EDIL3: variants seen among roughly 807,000 people sequenced by gnomAD.
EDIL3 encodes EGF-like repeat and discoidin I-like domain-containing protein 3.
In EDIL3, 37 loss-of-function variants were observed where a neutral mutation model predicts 67.4. That is an observed-to-expected ratio of 0.55 (90% CI 0.42 to 0.72). The LOEUF (loss-of-function observed/expected upper bound fraction) is 0.72. Ranked by LOEUF, EDIL3 falls within the 30% of genes least tolerant of loss-of-function variation. The pLI is 0.00. For synonymous variants in EDIL3, 195 were observed against 196.3 expected, an observed-to-expected ratio of 0.99 and a Z score of 0.05; for missense variants, 527 against 586.3, an observed-to-expected ratio of 0.90 and a Z score of 1.04.
At chr5:84,110,542 T>TCAATG (rs1230282341) in intron 5 of EDIL3, among the ~76,000 whole-genome samples, 1 of 152,214 alleles carries the variant, frequency 6.6e-6, no homozygotes, top group African/African-American at 2.4e-5. Flanking sequence ...GATGAAGTAA[T>TCAATG]CAATGTCAGA....
intron 9 of EDIL3, among the ~76,000 whole-genome samples, chr5:84,014,679 G>T (rs180829908): frequency 1.3e-5 from 2 of 152,028 alleles, no homozygotes; most frequent in Admixed American, 6.6e-5. Flanking sequence ...AAAAGTCTTT[G>T]ATCATATTTG....
At chr5:84,020,849 T>C (rs1745702451) in intron 9 of EDIL3, among the ~76,000 whole-genome samples, 1 of 152,068 alleles carries the variant, frequency 6.6e-6, no homozygotes, top group Non-Finnish European at 1.5e-5. Flanking sequence ...TACTAAAGAA[T>C]CTCACATACA....
intron 4 of EDIL3, among the ~76,000 whole-genome samples, chr5:84,157,539 C>G (rs905057152): frequency 6.6e-6 from 1 of 151,922 alleles, no homozygotes; most frequent in Non-Finnish European, 1.5e-5. Context: ...TACATAGTTT[C>G]TGACATTATT....
intron 1 of EDIL3, among the ~76,000 whole-genome samples, chr5:84,298,304 A>C (rs968772996): frequency 6.6e-6 from 1 of 152,334 alleles, no homozygotes; most frequent in Middle Eastern, 3.4e-3. Flanking sequence ...GCAGCCATAA[A>C]AAGGAATGAG....
chr5:84,298,762 G>T lies in EDIL3; in HGVS notation c.68-44550C>A, dbSNP rs200596696. Among the ~76,000 whole-genome samples, 404 of 152,254 alleles carry T rather than the reference G, an allele frequency of 2.7e-3. 2 individuals are homozygous for T. Among genetic ancestry groups the T allele is most frequent in the Non-Finnish European group, 4.5e-3 (303 of 68,016 alleles). Reference sequence around the variant, plus strand: ...ATTGTGAAAGCGATGTCACACCTTTGTTCTCCTCTCAAATTGAACAAAATT... The same window carrying T: ...ATTGTGAAAGCGATGTCACACCTTTTTTCTCCTCTCAAATTGAACAAAATT... On this transcript the variant is annotated intron_variant, in intron 1 of 10. Transcript: ENST00000296591.
intron 10 of EDIL3, among the ~76,000 whole-genome samples, chr5:83,957,325 T>A (rs1401604120): frequency 6.6e-6 from 1 of 151,706 alleles, no homozygotes; most frequent in Non-Finnish European, 1.5e-5. Context: ...TCCATTTTAT[T>A]TACTCCCTAA....
intron 10 of EDIL3, among the ~76,000 whole-genome samples, chr5:83,950,600 G>C (rs1744399282): frequency 6.6e-6 from 1 of 151,774 alleles, no homozygotes; most frequent in Non-Finnish European, 1.5e-5. Context: ...TGGCCCATAA[G>C]TATACTTTCT....
At chr5:84,304,738 C>A (rs1208910481) in intron 1 of EDIL3, among the ~76,000 whole-genome samples, 1 of 152,078 alleles carries the variant, frequency 6.6e-6, no homozygotes, top group African/African-American at 2.4e-5. Flanking sequence ...TATGACTAAA[C>A]CTTTGAAAAA....
At chr5:84,010,790 G>A (rs1745504226) in intron 9 of EDIL3, among the ~76,000 whole-genome samples, 1 of 152,126 alleles carries the variant, frequency 6.6e-6, no homozygotes, top group African/African-American at 2.4e-5. Flanking sequence ...TGTCAACCAG[G>A]CAGTTCACAC....
intron 4 of EDIL3, among the ~76,000 whole-genome samples, chr5:84,163,604 T>A (rs1748650557): frequency 6.6e-6 from 1 of 152,034 alleles, no homozygotes; most frequent in Admixed American, 6.6e-5. Flanking sequence ...AAAAGACTAA[T>A]CAGTGCAACT....
chr5:84,182,461 A>C (rs1259239352), intron 3 of EDIL3, among the ~76,000 whole-genome samples: 2 of 151,818 alleles, frequency 1.3e-5, no homozygotes, highest in East Asian at 3.9e-4. Flanking sequence ...GTCTCAAAAA[A>C]CTAAACTTTA....
chr5:84,311,283 A>G (rs1203773046), intron 1 of EDIL3, among the ~76,000 whole-genome samples: 1 of 150,630 alleles, frequency 6.6e-6, no homozygotes, highest in East Asian at 1.9e-4. Context: ...GGTAGTACCA[A>G]TGTACCCTCC....
intron 2 of EDIL3, among the ~76,000 whole-genome samples, chr5:84,240,796 C>T (rs1744780334): frequency 6.6e-6 from 1 of 152,130 alleles, no homozygotes; most frequent in African/African-American, 2.4e-5. Flanking sequence ...CAATCCTCCC[C>T]ATAAACACCT....
At chr5:84,161,725 A>G (rs1748616637) in intron 4 of EDIL3, among the ~76,000 whole-genome samples, 1 of 152,144 alleles carries the variant, frequency 6.6e-6, no homozygotes. Flanking sequence ...TTCCCAGCTT[A>G]GGCCTACCTG....
At chr5:84,173,989 G>T (rs1748857464) in intron 4 of EDIL3, among the ~76,000 whole-genome samples, 2 of 152,196 alleles carry the variant, frequency 1.3e-5, no homozygotes, top group Non-Finnish European at 2.9e-5. Context: ...TGTGCGTGGG[G>T]TTGTGAGGGG....
chr5:83,989,679 C>G (rs371726448), intron 9 of EDIL3, among the ~76,000 whole-genome samples: 10 of 152,326 alleles, frequency 6.6e-5, no homozygotes, highest in South Asian at 2.1e-4. Flanking sequence ...CTCCCATGAT[C>G]TCCACTTGCC....
chr5:84,275,639 G>A (rs1745570870), intron 1 of EDIL3, among the ~76,000 whole-genome samples: 1 of 152,094 alleles, frequency 6.6e-6, no homozygotes, highest in South Asian at 2.1e-4. Context: ...AGAACTCTCT[G>A]GGAGTTCTTT....
intron 1 of EDIL3, among the ~76,000 whole-genome samples, chr5:84,342,794 A>G (rs1266150149): frequency 1.3e-5 from 2 of 151,996 alleles, no homozygotes; most frequent in Non-Finnish European, 2.9e-5. Context: ...TATTTTTTGA[A>G]CACAGAACAG....
At chr5:84,247,760 AT>A (rs1361710153) in intron 2 of EDIL3, among the ~76,000 whole-genome samples, 1 of 151,964 alleles carries the variant, frequency 6.6e-6, no homozygotes, top group Non-Finnish European at 1.5e-5. Context: ...ATATATATGT[AT>A]TTTTTACATG....
Sources: gnomAD v4.1 joint callset for allele counts (sites outside exome capture counted in the v4.1 genomes callset) on GRCh38, gnomAD v4.1.1 for gene constraint, MANE v1.5 for transcripts, NCBI Gene and HGNC (gene_info 2026-07-23, HGNC 2026-07-21) for gene names.